Variants in MINPP1 observed in about 807,000 individuals in gnomAD.
The protein encoded by MINPP1 is multiple inositol-polyphosphate phosphatase 1, also known as multiple inositol polyphosphate phosphatase 1.
A neutral mutation model predicts 46.1 loss-of-function variants in MINPP1; 28 were observed. That is an observed-to-expected ratio of 0.61 (90% CI 0.45 to 0.83). MINPP1 has a LOEUF of 0.83. Among genes scored for constraint, MINPP1 ranks in the 40% least tolerant of loss-of-function variants. The pLI is 0.00. For synonymous variants in MINPP1, 268 were observed against 249.1 expected (o/e 1.08, Z -0.72); for missense variants, 603 against 610.0 (o/e 0.99, Z 0.12).
chr10:87,513,217 C>A lies in MINPP1; in HGVS notation c.929C>A (p.Ala310Glu). The A allele has an allele frequency of 6.2e-7, 1 of 1,610,164 alleles. No homozygotes were observed. The highest frequency in any genetic ancestry group is 8.5e-7 in the Non-Finnish European group (1 of 1,176,732). Residue 310 changes from alanine (A) to glutamate (E), a missense_variant, in exon 3 of 5, where the codon GCA becomes GAA. Physicochemically the swap from Ala to Glu is moderately radical, Grantham distance 107. Around this residue, in one of 3 missense-constraint regions of MINPP1, gnomAD observed 344 missense variants for 381.1 expected, o/e 0.90. Coordinates refer to ENST00000371996, the MANE Select transcript of MINPP1 (RefSeq NM_004897.5). ...PWCDVFDIDDAKVLEYLNDLK... is the reference protein window; with the variant it reads ...PWCDVFDIDDEKVLEYLNDLK... ...TGTGATGTTTTTGACATAGATGATG[C>A]AAAGGTAAGTATTATTTTTGCAGTT...
chr10:87,514,906 G>A (rs890858860), intron 3 of MINPP1, among the ~76,000 whole-genome samples: 2 of 151,476 alleles, frequency 1.3e-5, no homozygotes, highest in African/African-American at 4.9e-5. Flanking sequence ...AGTAGAGATG[G>A]GGTTTCACCA....
intron 4 of MINPP1, among the ~76,000 whole-genome samples, chr10:87,528,737 G>A (rs1447886767): frequency 3.9e-5 from 6 of 152,210 alleles, no homozygotes; most frequent in Non-Finnish European, 8.8e-5. Context: ...GCTTGGTGCA[G>A]AGCTGAGTTC....
At chr10:87,507,341 C>A (rs941383699) in intron 1 of MINPP1, among the ~76,000 whole-genome samples, 3 of 152,098 alleles carry the variant, frequency 2.0e-5, no homozygotes, top group Admixed American at 2.0e-4. Flanking sequence ...GGATAAAATA[C>A]CCAGATGCAC....
intron 4 of MINPP1, among the ~76,000 whole-genome samples, chr10:87,522,369 A>G (rs1851514389): frequency 6.6e-6 from 1 of 152,202 alleles, no homozygotes; most frequent in African/African-American, 2.4e-5. Flanking sequence ...TAAGGATTTT[A>G]CAGTGTCATA....
chr10:87,507,106 G>A (rs1760703602), intron 1 of MINPP1, among the ~76,000 whole-genome samples: 1 of 152,124 alleles, frequency 6.6e-6, no homozygotes, highest in Admixed American at 6.6e-5. Flanking sequence ...ACAGAGCCAG[G>A]GATGAAAATA....
chr10:87,505,141 G>T lies in MINPP1; in HGVS notation c.226G>T (p.Gly76Trp), dbSNP rs1412018246. ...APWRDPELLE[G>W]TCTPVQLVAL... ...GTGGCGGGACCCTGAGCTGCTGGAG[G>T]GGACCTGCACCCCGGTGCAGCTGGT... The change falls in exon 1 of 5, where the codon GGG becomes TGG. Residue 76 changes from glycine to tryptophan, a missense_variant. By Grantham distance (184) the Gly-to-Trp change is radical. Transcript: ENST00000371996. This position sits in a 1 kb window ranked among gnomAD's most constrained non-coding sequence, Gnocchi z 4.4. The T allele has an allele frequency of 6.2e-7, 1 of 1,611,764 alleles. No homozygotes were observed. Among genetic ancestry groups the T allele is most frequent in the Non-Finnish European group, 8.5e-7 (1 of 1,179,198 alleles).
chr10:87,519,118 T>C (rs1851457050), intron 3 of MINPP1, among the ~76,000 whole-genome samples: 2 of 131,358 alleles, frequency 1.5e-5, no homozygotes, highest in African/African-American at 5.1e-5. Flanking sequence ...CACCCAGCAT[T>C]ATACCAAAAG....
Position 87,505,628 on chromosome 10 carries a change from C to T in MINPP1, c.637+76C>T. ...GATGCTCTCCCGCCTCCCCCAGACCCTGGGCTTTTCCGATGCCCCCCAGTT... is the reference window on the plus strand; with the variant it reads ...GATGCTCTCCCGCCTCCCCCAGACCTTGGGCTTTTCCGATGCCCCCCAGTT... On this transcript the variant is annotated intron_variant, in intron 1 of 4. Transcript: ENST00000371996. The surrounding 1 kb of genome is among the most constrained non-coding windows in gnomAD (Gnocchi z 4.4). 1 of 1,416,704 alleles carries T rather than the reference C, an allele frequency of 7.1e-7. No individual in the cohort carries two copies. The highest frequency in any genetic ancestry group is 1.3e-5 in the South Asian group (1 of 79,196). The allele number at this position is 1,416,704 out of a possible 1,614,324, so 87.8% of individuals were successfully genotyped here. A position where few individuals can be genotyped will look rare whatever the true frequency, so the allele number is the denominator to read the frequency against.
At chr10:87,533,534 A>G (rs1246987113) in intron 4 of MINPP1, among the ~76,000 whole-genome samples, 2 of 152,140 alleles carry the variant, frequency 1.3e-5, no homozygotes, top group African/African-American at 4.8e-5. Context: ...CCTTCCCCAT[A>G]TATCTGTTAA....
chr10:87,535,540 G>A (rs543064288), intron 4 of MINPP1, among the ~76,000 whole-genome samples: 1 of 152,254 alleles, frequency 6.6e-6, no homozygotes, highest in South Asian at 2.1e-4. Flanking sequence ...TAATTTGATG[G>A]TTTGAGTTAG....
At chr10:87,515,822 ATTTTTTT>A (rs71019482) in intron 3 of MINPP1, among the ~76,000 whole-genome samples, 3 of 84,106 alleles carry the variant, frequency 3.6e-5, no homozygotes, top group Non-Finnish European at 2.3e-5. Flanking sequence ...TTTGTTAAGA[ATTTTTTT>A]TTTTTTTTTT....
intron 4 of MINPP1, among the ~76,000 whole-genome samples, chr10:87,536,896 A>G (rs529077322): frequency 2.6e-5 from 4 of 151,914 alleles, no homozygotes; most frequent in Admixed American, 2.6e-4. Flanking sequence ...TTGGGAACCT[A>G]CCTAATTAGA....
intron 1 of MINPP1, chr10:87,507,825 A>T (rs549474404): frequency 6.1e-5 from 63 of 1,026,780 alleles, no homozygotes; most frequent in Non-Finnish European, 7.1e-5. Context: ...GAGACCCAAA[A>T]CATCAGTGCG....
At position 87,551,294 on chromosome 10, in the gene MINPP1, TCAGA is replaced by T. The variant is rs149637336; in HGVS notation, c.1068-784_1068-781del. On this transcript the variant is annotated intron_variant, in intron 4 of 4. Coordinates refer to ENST00000371996, the MANE Select transcript of MINPP1 (RefSeq NM_004897.5). ...TAACCTGATGAGTGGTGGCAAAAAG[TCAGA>T]CAGTCATGTTTGAATAGGTTTACAA... 7.8e-3 allele frequency among the ~76,000 whole-genome samples: 1,190 copies of T among 152,080 alleles called. 18 individuals carry two copies. The highest frequency in any genetic ancestry group is 0.027 in the African/African-American group (1,106 of 41,490).
At chr10:87,536,312 G>C (rs1281264785) in intron 4 of MINPP1, among the ~76,000 whole-genome samples, 1 of 152,082 alleles carries the variant, frequency 6.6e-6, no homozygotes. Context: ...TTTGGTAAAG[G>C]CTTTATGAGG....
At chr10:87,521,837 A>G (rs1021657679) in intron 4 of MINPP1, among the ~76,000 whole-genome samples, 1 of 152,232 alleles carries the variant, frequency 6.6e-6, no homozygotes, top group East Asian at 1.9e-4. Context: ...TAACATTTAT[A>G]ATCTTCAATT....
In MINPP1 at chr10:87,516,531, C is replaced by G. The variant is rs1473311867; in HGVS notation, c.933+3310C>G. 1.9e-5 allele frequency among the ~76,000 whole-genome samples: 2 copies of G among 104,566 alleles called. 1 individual carries two copies. Among genetic ancestry groups the G allele is most frequent in the African/African-American group, 5.7e-5 (2 of 34,834 alleles). 68.6% of individuals were successfully genotyped at this position (104,566 alleles called of 152,430 possible). ...GCACTGAAAGTGTATTGCTTTTGAA[C>G]CATTGTAAAGTTGAAAAATTTTAAG... On this transcript the variant is annotated intron_variant, in intron 3 of 4. Transcript: ENST00000371996.
chr10:87,545,294 A>G (rs1288973239), intron 4 of MINPP1, among the ~76,000 whole-genome samples: 1 of 151,508 alleles, frequency 6.6e-6, no homozygotes, highest in Non-Finnish European at 1.5e-5. Context: ...TTTAATATTC[A>G]AGCTTTCTTG....
chr10:87,521,284 T>G, intron 4 of MINPP1, 115 bp downstream of exon 4: 1 of 785,586 alleles, frequency 1.3e-6, no homozygotes, highest in Non-Finnish European at 2.1e-6. Context: ...TAAAAAAATT[T>G]TAATATAATG....
Sources: allele counts gnomAD v4.1 joint callset (sites outside exome capture counted in the v4.1 genomes callset), GRCh38; gene constraint gnomAD v4.1.1; regional missense constraint gnomAD v4.1.1; non-coding constraint Gnocchi (gnomAD v3.1); transcripts MANE v1.5; gene names NCBI Gene and HGNC (gene_info 2026-07-23, HGNC 2026-07-21).